The following KCNJ1 variants were observed in gnomAD, a reference collection of about 807,000 sequenced individuals.
KCNJ1 encodes the protein potassium inwardly rectifying channel subfamily J member 1.
A neutral mutation model predicts 21.9 loss-of-function variants in KCNJ1; 24 were observed. The observed-to-expected ratio is 1.10, with a 90% CI of 0.79 to 1.54. KCNJ1 has a LOEUF of 1.54. Ranked by LOEUF, KCNJ1 falls within the 40% of genes most tolerant of loss-of-function variation. The probability of loss-of-function intolerance (pLI) is 0.00; values close to 1 mark genes in which losing one functional copy is unlikely to be tolerated. For synonymous variants in KCNJ1, 152 were observed against 160.9 expected (o/e 0.94, Z 0.42); for missense variants, 457 against 455.4 (o/e 1.00, Z -0.03).
At chr11:128,842,539 T>C in intron 2 of KCNJ1, 6 of 1,557,976 alleles carry the variant, frequency 3.9e-6, no homozygotes, top group South Asian at 1.2e-5. Context: ...TTGTGTAAAC[T>C]TGGAAACACT....
chr11:128,841,663 C>T (rs1400401104), intron 2 of KCNJ1, among the ~76,000 whole-genome samples: 1 of 152,168 alleles, frequency 6.6e-6, no homozygotes, highest in Non-Finnish European at 1.5e-5. Flanking sequence ...GCGAAACCAA[C>T]TGAGTGATAC....
intron 1 of KCNJ1, among the ~76,000 whole-genome samples, chr11:128,858,002 GAGC>G (rs1423723023): frequency 9.2e-5 from 14 of 152,094 alleles, no homozygotes; most frequent in Non-Finnish European, 2.9e-5. Flanking sequence ...AAAAGTGCAA[GAGC>G]AGCTAAACCC....
At chr11:128,856,740 C>T (rs1018586909) in intron 1 of KCNJ1, among the ~76,000 whole-genome samples, 2 of 152,154 alleles carry the variant, frequency 1.3e-5, no homozygotes, top group African/African-American at 4.8e-5. Context: ...CCTCTCACCT[C>T]ACACGCAATC....
At chr11:128,865,311 A>G (rs1364365986) in intron 1 of KCNJ1, among the ~76,000 whole-genome samples, 1 of 152,038 alleles carries the variant, frequency 6.6e-6, no homozygotes, top group Non-Finnish European at 1.5e-5. Flanking sequence ...TATCTCTCCC[A>G]TTAGCGTGTG....
intron 1 of KCNJ1, among the ~76,000 whole-genome samples, chr11:128,864,993 A>T (rs1387405048): frequency 6.6e-6 from 1 of 152,010 alleles, no homozygotes; most frequent in Non-Finnish European, 1.5e-5. Context: ...ATCACATACT[A>T]GGTCCTTCAT....
chr11:128,847,005 C>A (rs1160213201), intron 2 of KCNJ1, among the ~76,000 whole-genome samples: 1 of 152,084 alleles, frequency 6.6e-6, no homozygotes, highest in African/African-American at 2.4e-5. Flanking sequence ...GCCGAATATC[C>A]CCCCATCCTG....
intron 1 of KCNJ1, among the ~76,000 whole-genome samples, chr11:128,865,807 T>C (rs190419952): frequency 4.1e-4 from 63 of 152,294 alleles, no homozygotes; most frequent in African/African-American, 1.4e-3. Context: ...TGGGGAATTT[T>C]GAGACTTAGC....
rs770280522 is a variant in KCNJ1, at chr11:128,840,121, T to C, written c.123A>G (p.Ser41=). 9.9e-6 allele frequency: 16 copies of C among 1,614,184 alleles called. No individual in the cohort carries two copies. The highest frequency in any genetic ancestry group is 1.4e-5 in the Non-Finnish European group (16 of 1,180,026). ...AGATGTCCACAAAGAATATAAACCT[T>C]GACTGTGCCTCCACATTGCCAAATT... ...NIEFGNVEAQ[S]RFIFFVDIWT... Residue 41 remains serine (S), a synonymous_variant, in exon 3 of 3, where the codon TCA becomes TCG. Coordinates refer to ENST00000392666, the MANE Select transcript of KCNJ1 (RefSeq NM_153766.3).
intron 1 of KCNJ1, among the ~76,000 whole-genome samples, chr11:128,855,867 A>G (rs1223865551): frequency 6.6e-6 from 1 of 152,214 alleles, no homozygotes; most frequent in Non-Finnish European, 1.5e-5. Flanking sequence ...TGGGGAAATC[A>G]GTTTTAACTC....
At chr11:128,860,089 C>A (rs1364726313) in intron 1 of KCNJ1, among the ~76,000 whole-genome samples, 1 of 144,898 alleles carries the variant, frequency 6.9e-6, no homozygotes, top group African/African-American at 2.6e-5. Flanking sequence ...GAAGGGCGCC[C>A]GGAAGGACAC....
intron 1 of KCNJ1, among the ~76,000 whole-genome samples, chr11:128,865,852 T>G (rs1311152167): frequency 6.6e-6 from 1 of 152,010 alleles, no homozygotes; most frequent in Non-Finnish European, 1.5e-5. Context: ...AATTACAAAC[T>G]TCTTATATTA....
At chr11:128,842,574 T>C in intron 2 of KCNJ1, 1 of 1,480,392 alleles carries the variant, frequency 6.8e-7, no homozygotes, top group Non-Finnish European at 9.0e-7. Flanking sequence ...AGTCGTGTGA[T>C]TTAAACCAAG....
At chr11:128,863,398 C>T (rs536616383) in intron 1 of KCNJ1, among the ~76,000 whole-genome samples, 2 of 152,298 alleles carry the variant, frequency 1.3e-5, no homozygotes, top group South Asian at 2.1e-4. Flanking sequence ...CGCATCTAAC[C>T]AGAATGCAAA....
intron 2 of KCNJ1, among the ~76,000 whole-genome samples, chr11:128,846,350 T>C (rs1446477227): frequency 6.6e-6 from 1 of 152,178 alleles, no homozygotes; most frequent in East Asian, 1.9e-4. Flanking sequence ...AATTATGCAA[T>C]AAATAGCTAC....
chr11:128,840,955 A>T (rs1414182449), intron 2 of KCNJ1, among the ~76,000 whole-genome samples: 1 of 152,022 alleles, frequency 6.6e-6, no homozygotes, highest in Admixed American at 6.6e-5. Context: ...AGCTTCTACC[A>T]CTCCGTGTCT....
At chr11:128,865,111 T>C (rs1943793941) in intron 1 of KCNJ1, among the ~76,000 whole-genome samples, 1 of 152,156 alleles carries the variant, frequency 6.6e-6, no homozygotes, top group Non-Finnish European at 1.5e-5. Context: ...TTGCATATTT[T>C]TGTAAATGCC....
In KCNJ1 at chr11:128,839,503, C is replaced by T. The variant is rs1943234984; in HGVS notation, c.741G>A (p.Leu247=). The change falls in exon 3 of 3, where the codon TTG becomes TTA. Residue 247 remains leucine (L), a synonymous_variant. Coordinates refer to ENST00000392666, the MANE Select transcript of KCNJ1 (RefSeq NM_153766.3). The stretch of plus-strand genomic sequence containing the variant: ...TGTGATCAATGACATGGTAAATTGT[C>T]AATGGGGAGATGAAGAATAAATTTT... The part of the protein sequence containing the change: ...GNENLFFISP[L]TIYHVIDHNS... The T allele has an allele frequency of 1.2e-6, 2 of 1,614,156 alleles. No individual in the cohort carries two copies. Among genetic ancestry groups the T allele is most frequent in the Non-Finnish European group, 1.7e-6 (2 of 1,180,026 alleles).
chr11:128,842,675 T>A (rs1332342821), intron 2 of KCNJ1: 2 of 631,870 alleles, frequency 3.2e-6, no homozygotes, highest in East Asian at 6.7e-5. Context: ...TGCTAAGACA[T>A]GACAAGCCAT....
intron 2 of KCNJ1, among the ~76,000 whole-genome samples, chr11:128,844,311 G>A (rs978323068): frequency 6.6e-6 from 1 of 152,206 alleles, no homozygotes; most frequent in Non-Finnish European, 1.5e-5. Flanking sequence ...AAGCCTCAGT[G>A]AGACACTGGG....
Sources: allele counts gnomAD v4.1 joint callset (sites outside exome capture counted in the v4.1 genomes callset), GRCh38; gene constraint gnomAD v4.1.1; transcripts MANE v1.5; gene names NCBI Gene and HGNC (gene_info 2026-07-23, HGNC 2026-07-21).